SYT16: variants seen among roughly 807,000 people sequenced by gnomAD.
SYT16 encodes the protein synaptotagmin 16.
In SYT16, 42 loss-of-function variants were observed where a neutral mutation model predicts 61.4. The ratio of observed to expected loss-of-function variants is 0.68; its 90% CI spans 0.53 to 0.89. SYT16 has a LOEUF of 0.89. Ranked by LOEUF, SYT16 falls within the 40% of genes least tolerant of loss-of-function variation. The probability of loss-of-function intolerance (pLI) is 0.00; values close to 1 mark genes in which losing one functional copy is unlikely to be tolerated. For synonymous variants in SYT16, 314 were observed against 302.3 expected (o/e 1.04, Z -0.40); for missense variants, 804 against 807.3 (o/e 1.00, Z 0.05).
rs112567978 is a variant in SYT16, at chr14:61,855,704, C to T, written c.-325+42894C>T. Among the ~76,000 whole-genome samples the T allele has an allele frequency of 1.5e-3, 228 of 152,246 alleles. 1 individual carries two copies. The highest frequency in any genetic ancestry group is 5.3e-3 in the African/African-American group (221 of 41,528). ...TGTATTTAATAGGATGACTATTAAA[C>T]TACTAGAAACTATTATAAAAAATTT... On this transcript the variant is annotated intron_variant, in intron 1 of 7. Transcript: ENST00000683842.
At chr14:62,071,514 T>C (rs2056300111) in intron 4 of SYT16, among the ~76,000 whole-genome samples, 1 of 152,226 alleles carries the variant, frequency 6.6e-6, no homozygotes, top group Admixed American at 6.5e-5. Flanking sequence ...ATGAAGTACC[T>C]GTAGATTTTG....
At chr14:61,881,235 A>G (rs987259111) in intron 1 of SYT16, among the ~76,000 whole-genome samples, 2 of 152,174 alleles carry the variant, frequency 1.3e-5, no homozygotes, top group African/African-American at 4.8e-5. Context: ...GCAGTCTTCC[A>G]TCTTAAATCT....
intron 1 of SYT16, chr14:61,864,756 C>T (rs1406563829): frequency 4.1e-6 from 4 of 965,844 alleles, no homozygotes; most frequent in African/African-American, 3.3e-5. Flanking sequence ...TGGTTAATGA[C>T]GCATGTGGCT....
chr14:61,960,648 A>C (rs1440556132), intron 1 of SYT16, among the ~76,000 whole-genome samples: 1 of 152,180 alleles, frequency 6.6e-6, no homozygotes, highest in Non-Finnish European at 1.5e-5. Flanking sequence ...ATCTGCAAAC[A>C]TGGATAGTTT....
At chr14:61,891,144 G>C (rs2048109265) in intron 1 of SYT16, among the ~76,000 whole-genome samples, 1 of 152,154 alleles carries the variant, frequency 6.6e-6, no homozygotes, top group East Asian at 1.9e-4. Flanking sequence ...GAGAAAGCCA[G>C]AGTGTTTTAT....
At chr14:61,999,950 G>C (rs2052926737) in intron 3 of SYT16, among the ~76,000 whole-genome samples, 1 of 151,404 alleles carries the variant, frequency 6.6e-6, no homozygotes, top group Admixed American at 6.6e-5. Flanking sequence ...AATTAATTAA[G>C]GTTTGTTTTA....
chr14:61,858,144 G>GAAAA (rs2046842059), intron 1 of SYT16, among the ~76,000 whole-genome samples: 1 of 100,608 alleles, frequency 9.9e-6, no homozygotes, highest in South Asian at 3.4e-4. Flanking sequence ...AAAAAAAAAA[G>GAAAA]AAAGAAAAAA....
chr14:61,856,314 C>T (rs567530687), intron 1 of SYT16, among the ~76,000 whole-genome samples: 2 of 152,254 alleles, frequency 1.3e-5, no homozygotes, highest in South Asian at 4.1e-4. Flanking sequence ...AGAATGTAGA[C>T]AACAGATGAT....
At chr14:62,048,123 G>A (rs1389249660) in intron 3 of SYT16, among the ~76,000 whole-genome samples, 1 of 152,096 alleles carries the variant, frequency 6.6e-6, no homozygotes, top group Non-Finnish European at 1.5e-5. Flanking sequence ...TTTTTGGTTG[G>A]TAAGCTATTA....
At chr14:62,046,278 C>A (rs1159331522) in intron 3 of SYT16, among the ~76,000 whole-genome samples, 2 of 151,866 alleles carry the variant, frequency 1.3e-5, no homozygotes, top group Non-Finnish European at 2.9e-5. Context: ...TCATATCCTT[C>A]GCCCACTTTT....
intron 3 of SYT16, among the ~76,000 whole-genome samples, chr14:62,015,128 C>T (rs1038426500): frequency 6.6e-5 from 10 of 152,110 alleles, no homozygotes; most frequent in South Asian, 4.1e-4. Flanking sequence ...TTCTATGTTC[C>T]GATAGCATGT....
intron 1 of SYT16, among the ~76,000 whole-genome samples, chr14:61,856,132 G>A (rs1364853866): frequency 2.0e-5 from 3 of 152,218 alleles, no homozygotes; most frequent in East Asian, 1.9e-4. Context: ...CAGATGTGAC[G>A]GGATGGCCCC....
intron 1 of SYT16, among the ~76,000 whole-genome samples, chr14:61,828,228 C>A (rs1352528861): frequency 6.6e-6 from 1 of 152,188 alleles, no homozygotes; most frequent in Non-Finnish European, 1.5e-5. Flanking sequence ...TTAAACCCCA[C>A]AGTTTGTGGT....
At chr14:61,850,524 T>C (rs1193311801) in intron 1 of SYT16, among the ~76,000 whole-genome samples, 1 of 152,204 alleles carries the variant, frequency 6.6e-6, no homozygotes, top group Non-Finnish European at 1.5e-5. Flanking sequence ...AGTGTACATA[T>C]CATTTGCCTA....
chr14:61,888,794 T>A (rs1328698808), intron 1 of SYT16, among the ~76,000 whole-genome samples: 4 of 147,384 alleles, frequency 2.7e-5, no homozygotes, highest in Non-Finnish European at 4.5e-5. Flanking sequence ...AAAAGCAATA[T>A]CTGTGAAGTG....
chr14:62,004,968 C>T (rs950364043), intron 3 of SYT16, among the ~76,000 whole-genome samples: 4 of 152,148 alleles, frequency 2.6e-5, no homozygotes, highest in African/African-American at 9.7e-5. Context: ...GACTTCCAGG[C>T]AGGGGTGGTA....
chr14:62,049,508 A>G (rs1431825290), intron 3 of SYT16, among the ~76,000 whole-genome samples: 3 of 152,150 alleles, frequency 2.0e-5, no homozygotes, highest in Admixed American at 6.5e-5. Context: ...TGTGAATTTG[A>G]TCCTGTCATT....
chr14:62,058,728 G>A (rs1293053914), intron 3 of SYT16, among the ~76,000 whole-genome samples: 1 of 152,116 alleles, frequency 6.6e-6, no homozygotes, highest in East Asian at 1.9e-4. Flanking sequence ...TTTTCACCAG[G>A]AGTGTATGAG....
intron 2 of SYT16, among the ~76,000 whole-genome samples, chr14:61,978,660 C>T (rs1452041893): frequency 3.3e-5 from 5 of 152,184 alleles, no homozygotes; most frequent in East Asian, 1.9e-4. Flanking sequence ...TTAAGTTCCC[C>T]TTTTAAGTCA....
Sources: allele counts gnomAD v4.1 joint callset (sites outside exome capture counted in the v4.1 genomes callset), GRCh38; gene constraint gnomAD v4.1.1; transcripts MANE v1.5; gene names NCBI Gene and HGNC (gene_info 2026-07-23, HGNC 2026-07-21).